TRPC5: variants seen among roughly 807,000 people sequenced by gnomAD.
The protein encoded by TRPC5 is short transient receptor potential channel 5.
Under a neutral mutation model 56.5 loss-of-function variants are expected in TRPC5, and 9 were observed. The observed-to-expected ratio is 0.16, with a 90% CI of 0.10 to 0.28. TRPC5 has a LOEUF of 0.28. Among genes scored for constraint, TRPC5 ranks in the 10% least tolerant of loss-of-function variants. The pLI, the probability that TRPC5 is intolerant of heterozygous loss-of-function variation, is 1.00. For synonymous variants in TRPC5, 282 were observed against 278.5 expected, an observed-to-expected ratio of 1.01 and a Z score of -0.13; for missense variants, 469 against 748.9, an observed-to-expected ratio of 0.63 and a Z score of 4.36.
At chrX:112,033,518 CAGA>C (rs1460946647) in intron 1 of TRPC5, among the ~76,000 whole-genome samples, 3 of 96,755 alleles carry the variant, frequency 3.1e-5, no homozygotes, top group South Asian at 4.1e-4. Flanking sequence ...CTTTGATGCA[CAGA>C]AGGTTTTAAT....
chrX:111,829,512 C>T (rs1922345759), intron 7 of TRPC5, among the ~76,000 whole-genome samples: 1 of 111,660 alleles, frequency 9.0e-6, no homozygotes. Context: ...ATCACGGGCC[C>T]AGAGGCCTAG....
intron 7 of TRPC5, among the ~76,000 whole-genome samples, chrX:111,825,557 C>A (rs1922208656): frequency 9.0e-6 from 1 of 110,754 alleles, no homozygotes; most frequent in Admixed American, 9.7e-5. Context: ...TGCACCCGGC[C>A]CACTCTAGGA....
intron 7 of TRPC5, among the ~76,000 whole-genome samples, chrX:111,825,283 G>A (rs1328649124): frequency 1.1e-5 from 1 of 87,577 alleles, no homozygotes; most frequent in Non-Finnish European, 2.2e-5. Context: ...CGACAGTCTT[G>A]CTCTGTCACT....
At chrX:111,819,370 G>A (rs189530858) in intron 7 of TRPC5, among the ~76,000 whole-genome samples, 1 of 111,748 alleles carries the variant, frequency 8.9e-6, no homozygotes, top group African/African-American at 3.3e-5. Flanking sequence ...TCTAGCAGAT[G>A]TGGTACTCCT....
intron 2 of TRPC5, among the ~76,000 whole-genome samples, chrX:111,945,517 A>G (rs557385723): frequency 1.7e-4 from 19 of 110,577 alleles, no homozygotes; most frequent in African/African-American, 5.6e-4. Flanking sequence ...ACATAGACAC[A>G]CACACCCCTG....
chrX:111,813,661 C>A (rs1921777202), intron 7 of TRPC5, among the ~76,000 whole-genome samples: 1 of 112,299 alleles, frequency 8.9e-6, no homozygotes, highest in South Asian at 3.7e-4. Flanking sequence ...CAGGCACAAA[C>A]ACAGCAAAAG....
At chrX:112,043,594 A>G (rs1040191336) in intron 1 of TRPC5, among the ~76,000 whole-genome samples, 4 of 108,920 alleles carry the variant, frequency 3.7e-5, no homozygotes, top group Non-Finnish European at 5.7e-5. Flanking sequence ...AAGACTCTGT[A>G]CTTTCAGTGG....
chrX:111,987,013 C>A (rs893326269), intron 1 of TRPC5, among the ~76,000 whole-genome samples: 1 of 111,362 alleles, frequency 9.0e-6, no homozygotes, highest in African/African-American at 3.3e-5. Flanking sequence ...AGCAGCCAGA[C>A]AATCTCATTA....
At chrX:112,075,380 G>A (rs746332446) in intron 1 of TRPC5, among the ~76,000 whole-genome samples, 1 of 111,153 alleles carries the variant, frequency 9.0e-6, no homozygotes, top group Non-Finnish European at 1.9e-5. Flanking sequence ...TGTTAAATGG[G>A]AATAATAATA....
chrX:111,858,635 C>G (rs1478454765), intron 3 of TRPC5, among the ~76,000 whole-genome samples: 7 of 110,906 alleles, frequency 6.3e-5, no homozygotes, highest in African/African-American at 2.3e-4. Context: ...CTTTGTGCAG[C>G]TGCAGGAATA....
intron 7 of TRPC5, among the ~76,000 whole-genome samples, chrX:111,811,961 G>A (rs974563085): frequency 1.4e-4 from 16 of 111,387 alleles, no homozygotes; most frequent in African/African-American, 4.9e-4. Context: ...TATTCAATCA[G>A]TATTTCTTAA....
chrX:111,904,635 G>A (rs1216514241), intron 3 of TRPC5, among the ~76,000 whole-genome samples: 1 of 110,625 alleles, frequency 9.0e-6, no homozygotes, highest in Non-Finnish European at 1.9e-5. Flanking sequence ...GCCTGTTGGG[G>A]GCTGGGGTGG....
chrX:111,818,042 C>T (rs942372389), intron 7 of TRPC5, among the ~76,000 whole-genome samples: 4 of 111,437 alleles, frequency 3.6e-5, no homozygotes, highest in Non-Finnish European at 5.6e-5. Context: ...ATGGGCACAT[C>T]AATACCCACT....
In TRPC5 at chrX:111,801,579, G is replaced by A. The variant is rs1369497178; in HGVS notation, c.1897-19441C>T. 3.6e-5 allele frequency among the ~76,000 whole-genome samples: 4 copies of A among 111,866 alleles called. No individual in the cohort carries two copies. In the East Asian group the frequency reaches 1.1e-3, roughly 31 times the overall value. ...GTTACTGTCCATGTTTTTTATTATA[G>A]CCATCCTAGTGTGAACTGGTGGTAT... On this transcript the variant is annotated intron_variant, in intron 7 of 10. Coordinates refer to ENST00000262839, the MANE Select transcript of TRPC5 (RefSeq NM_012471.3).
At chrX:111,803,635 G>A (rs1316390552) in intron 7 of TRPC5, among the ~76,000 whole-genome samples, 1 of 112,437 alleles carries the variant, frequency 8.9e-6, no homozygotes, top group Non-Finnish European at 1.9e-5. Flanking sequence ...TCTTTTGGCT[G>A]CATAGATGTC....
chrX:111,933,356 G>T (rs749018551), intron 2 of TRPC5, among the ~76,000 whole-genome samples: 11 of 111,152 alleles, frequency 9.9e-5, no homozygotes, highest in Admixed American at 1.9e-4. Context: ...GAGACAAAAT[G>T]GCTGCCCACT....
chrX:111,818,623 T>A (rs1229954795), intron 7 of TRPC5, among the ~76,000 whole-genome samples: 1 of 104,841 alleles, frequency 9.5e-6, no homozygotes, highest in East Asian at 2.9e-4. Context: ...TTTTTTTTTT[T>A]AGACAGAGTC....
chrX:112,006,925 C>G (rs992635340), intron 1 of TRPC5, among the ~76,000 whole-genome samples: 2 of 111,378 alleles, frequency 1.8e-5, no homozygotes, highest in African/African-American at 6.5e-5. Flanking sequence ...TTAGGACTTT[C>G]AAGGTGGTAA....
chrX:111,889,667 C>T (rs1016756342), intron 3 of TRPC5, among the ~76,000 whole-genome samples: 1 of 111,533 alleles, frequency 9.0e-6, no homozygotes, highest in African/African-American at 3.3e-5. Flanking sequence ...GTATGAAATC[C>T]TCAAGGGGAA....
Sources: allele counts gnomAD v4.1 joint callset (sites outside exome capture counted in the v4.1 genomes callset), GRCh38; gene constraint gnomAD v4.1.1; transcripts MANE v1.5; gene names NCBI Gene and HGNC (gene_info 2026-07-23, HGNC 2026-07-21).